The following REV3L variants were observed in gnomAD, a reference collection of about 807,000 sequenced individuals.
REV3L encodes DNA polymerase zeta catalytic subunit.
In REV3L, 69 loss-of-function variants were observed where a neutral mutation model predicts 299.4. The ratio of observed to expected loss-of-function variants is 0.23; its 90% CI spans 0.19 to 0.28. The LOEUF is 0.28. Among genes scored for constraint, REV3L ranks in the 10% least tolerant of loss-of-function variants. The pLI is 1.00. For synonymous variants in REV3L, 1,238 were observed against 1,271.4 expected (o/e 0.97, Z 0.56); for missense variants, 3,128 against 3,693.8 (o/e 0.85, Z 3.97).
At chr6:111,396,192 A>G (rs980417599) in intron 4 of REV3L, among the ~76,000 whole-genome samples, 1 of 151,744 alleles carries the variant, frequency 6.6e-6, no homozygotes, top group Non-Finnish European at 1.5e-5. Flanking sequence ...ATACCCAGCT[A>G]ATTTTTTTAT....
chr6:111,388,375 A>G (rs1480310262), intron 7 of REV3L, among the ~76,000 whole-genome samples: 1 of 152,148 alleles, frequency 6.6e-6, no homozygotes, highest in East Asian at 1.9e-4. Flanking sequence ...CCTAAAGCTA[A>G]AAATTTCCCC....
At chr6:111,392,454 A>G (rs1373881379) in intron 5 of REV3L, among the ~76,000 whole-genome samples, 2 of 152,206 alleles carry the variant, frequency 1.3e-5, no homozygotes, top group Non-Finnish European at 2.9e-5. Context: ...ATATTATTCA[A>G]AACCAGAGCA....
chr6:111,337,122 G>C (rs953064392), intron 21 of REV3L, among the ~76,000 whole-genome samples: 19 of 152,136 alleles, frequency 1.2e-4, no homozygotes, highest in African/African-American at 4.6e-4. Flanking sequence ...AGGTTGAAGA[G>C]TGGTGGCTAG....
In REV3L at chr6:111,461,886, T is replaced by C. The variant is rs546904127; in HGVS notation, c.139+20864A>G. 5.9e-5 allele frequency among the ~76,000 whole-genome samples: 9 copies of C among 151,990 alleles called. 1 individual carries two copies. The highest frequency in any genetic ancestry group is 1.2e-4 in the Non-Finnish European group (8 of 67,952). ...GACTAACATAAACCAGATACCATAGTGGTAGATTTTAATCCAACCATATTA... is the reference window on the plus strand; with the variant it reads ...GACTAACATAAACCAGATACCATAGCGGTAGATTTTAATCCAACCATATTA... On this transcript the variant is annotated intron_variant, in intron 1 of 31. Transcript: ENST00000368802.
intron 21 of REV3L, among the ~76,000 whole-genome samples, chr6:111,343,493 T>C (rs1254241009): frequency 6.6e-6 from 1 of 152,170 alleles, no homozygotes; most frequent in East Asian, 1.9e-4. Context: ...ACAAGATAAA[T>C]GCATTTTTCA....
At chr6:111,396,225 C>T (rs1324962270) in intron 4 of REV3L, among the ~76,000 whole-genome samples, 1 of 152,034 alleles carries the variant, frequency 6.6e-6, no homozygotes, top group East Asian at 1.9e-4. Flanking sequence ...CAGGGTTTCA[C>T]CATGTTGCCC....
rs1307702270 is a variant in REV3L, at chr6:111,365,303, T to C, written c.6715A>G (p.Thr2239Ala). 1 of 1,574,330 alleles carries C rather than the reference T, an allele frequency of 6.4e-7. No individual in the cohort carries two copies. Among genetic ancestry groups the C allele is most frequent in the Non-Finnish European group, 8.6e-7 (1 of 1,160,888 alleles). ...AACAGTACTCTTCTAAGAGTGTCAGTATTACTTCCTTTCTTATTACTCAAC... is the reference window on the plus strand; with the variant it reads ...AACAGTACTCTTCTAAGAGTGTCAGCATTACTTCCTTTCTTATTACTCAAC... ...QKLSNKKGSN[T>A]DTLRRVLLTQ... The change falls in exon 15 of 32, where the codon ACT becomes GCT. Residue 2239 changes from threonine (T) to alanine (A), a missense_variant. By Grantham distance (58) the Thr-to-Ala change is moderately conservative. Around this residue, in one of 9 missense-constraint regions of REV3L, gnomAD observed 2,409 missense variants for 2,611.8 expected, o/e 0.92. Transcript: ENST00000368802.
At chr6:111,309,657 G>T in intron 30 of REV3L, 196 bp downstream of exon 30, 1 of 502,588 alleles carries the variant, frequency 2.0e-6, no homozygotes, top group Non-Finnish European at 3.4e-6. Context: ...TAGATCTGTG[G>T]GGGTGGAGCC....
In REV3L at chr6:111,390,273, G is replaced by A. The variant is rs56014479; in HGVS notation, c.663-93C>T. ...TATACAATTATCTTACATTTAGCTT[G>A]TACCCAGAAAACCTGATATATTAAT... On this transcript the variant is annotated intron_variant, in intron 5 of 31. Coordinates refer to ENST00000368802, the MANE Select transcript of REV3L (RefSeq NM_001372078.1). 5.3e-6 allele frequency: 4 copies of A among 758,010 alleles called. No individual in the cohort carries two copies. In the East Asian group the frequency reaches 8.2e-5, roughly 15 times the overall value. The allele number at this position is 758,010 out of a possible 1,614,324, so 47.0% of individuals were successfully genotyped here.
intron 1 of REV3L, among the ~76,000 whole-genome samples, chr6:111,475,837 G>A (rs544270279): frequency 8.5e-4 from 129 of 152,118 alleles, no homozygotes; most frequent in Middle Eastern, 6.8e-3. Flanking sequence ...CCTGGATTAC[G>A]TAAAAAATAA....
At chr6:111,362,296 G>C (rs1167199002) in intron 16 of REV3L, among the ~76,000 whole-genome samples, 1 of 152,054 alleles carries the variant, frequency 6.6e-6, no homozygotes, top group Non-Finnish European at 1.5e-5. Flanking sequence ...ATAATTCTCA[G>C]TTCAAATGTG....
intron 26 of REV3L, among the ~76,000 whole-genome samples, chr6:111,320,058 G>A (rs1773971387): frequency 6.8e-6 from 1 of 146,290 alleles, no homozygotes; most frequent in Non-Finnish European, 1.5e-5. Flanking sequence ...TTACAGGTGT[G>A]AGCCACTGCA....
intron 25 of REV3L, 35 bp downstream of exon 25, chr6:111,329,497 C>CTAAA: frequency 1.2e-6 from 2 of 1,601,598 alleles, no homozygotes; most frequent in African/African-American, 2.7e-5. Flanking sequence ...GTATTTTAGT[C>CTAAA]TCTTTTGAAA....
intron 2 of REV3L, chr6:111,412,076 T>C: frequency 5.1e-6 from 5 of 984,962 alleles, no homozygotes; most frequent in Non-Finnish European, 6.0e-6. Flanking sequence ...AGCTGTTTAT[T>C]ATTATTTTAT....
intron 4 of REV3L, among the ~76,000 whole-genome samples, chr6:111,394,940 C>T (rs1238405974): frequency 6.6e-6 from 1 of 152,002 alleles, no homozygotes; most frequent in East Asian, 1.9e-4. Flanking sequence ...GATCCTCCCA[C>T]CTCAGCCTCC....
intron 14 of REV3L, 89 bp from the exon 15 acceptor site, chr6:111,365,433 G>T (rs919011795): frequency 1.6e-6 from 1 of 623,846 alleles, no homozygotes; most frequent in Non-Finnish European, 2.6e-6. Flanking sequence ...AAACACTTAA[G>T]TACCACTTGT....
Position 111,373,548 on chromosome 6 carries a change from A to G in REV3L, c.4807T>C (p.Ser1603Pro). The G allele has an allele frequency of 6.2e-7, 1 of 1,613,638 alleles. No homozygotes were observed. Among genetic ancestry groups the G allele is most frequent in the Non-Finnish European group, 8.5e-7 (1 of 1,179,914 alleles). ...TGGCTAGAGTTTTGTAAATTTAAAG[A>G]GTCTACTTTGAGAAGTTTGGGGATT... Reference protein sequence around the residue: ...EKIPKLLKVDSLNLQNSSQLD... With the variant: ...EKIPKLLKVDPLNLQNSSQLD... Residue 1603 changes from serine (S) to proline (P), a missense_variant, in exon 13 of 32, where the codon TCT becomes CCT. Ser to Pro is a moderately conservative substitution (Grantham distance 74, BLOSUM62 -1). Around this residue, in one of 9 missense-constraint regions of REV3L, gnomAD observed 2,409 missense variants for 2,611.8 expected, o/e 0.92. Coordinates refer to ENST00000368802, the MANE Select transcript of REV3L (RefSeq NM_001372078.1).
chr6:111,300,287 A>C (rs929726599), intron 31 of REV3L, 131 bp from the exon 32 acceptor site: 6 of 615,590 alleles, frequency 9.7e-6, no homozygotes, highest in Non-Finnish European at 1.5e-5. Flanking sequence ...AGAAACTTTC[A>C]TTAATTTTAA....
At chr6:111,337,477 G>T (rs1031996655) in intron 21 of REV3L, among the ~76,000 whole-genome samples, 1 of 152,068 alleles carries the variant, frequency 6.6e-6, no homozygotes, top group African/African-American at 2.4e-5. Context: ...ATTACTGTAA[G>T]CAATGGTATG....
Sources: gnomAD v4.1 joint callset for allele counts (sites outside exome capture counted in the v4.1 genomes callset) on GRCh38, gnomAD v4.1.1 for gene constraint, gnomAD v4.1.1 regional missense constraint, MANE v1.5 for transcripts, NCBI Gene and HGNC (gene_info 2026-07-23, HGNC 2026-07-21) for gene names.